PCDH15: variants seen among roughly 807,000 people sequenced by gnomAD.
PCDH15 encodes the protein protocadherin-15.
Under a neutral mutation model 178.5 loss-of-function variants are expected in PCDH15, and 129 were observed. The observed-to-expected ratio is 0.72, with a 90% CI of 0.63 to 0.84. The LOEUF (loss-of-function observed/expected upper bound fraction) is 0.84. Ranked by LOEUF, PCDH15 falls within the 40% of genes least tolerant of loss-of-function variation. The pLI, the probability that PCDH15 is intolerant of heterozygous loss-of-function variation, is 0.00. For missense variants in PCDH15, 2,230 were observed against 2,099.9 expected, an observed-to-expected ratio of 1.06 and a Z score of -1.21; for synonymous variants, 800 against 732.0, an observed-to-expected ratio of 1.09 and a Z score of -1.50.
At chr10:54,900,794 T>C (rs1479236961) in intron 2 of PCDH15, among the ~76,000 whole-genome samples, 1 of 152,166 alleles carries the variant, frequency 6.6e-6, no homozygotes, top group Non-Finnish European at 1.5e-5. Flanking sequence ...AGTTTCAATG[T>C]AGTAAACTTG....
chr10:54,816,040 T>C (rs1412127140), intron 3 of PCDH15, among the ~76,000 whole-genome samples: 1 of 152,108 alleles, frequency 6.6e-6, no homozygotes, highest in African/African-American at 2.4e-5. Flanking sequence ...TGCAGATTTT[T>C]GGTGGTGTAG....
intron 1 of PCDH15, among the ~76,000 whole-genome samples, chr10:54,769,117 A>G (rs1381556739): frequency 6.6e-6 from 1 of 152,140 alleles, no homozygotes; most frequent in Non-Finnish European, 1.5e-5. Flanking sequence ...GTGAGTTGTT[A>G]ACTTCTGTAT....
intron 2 of PCDH15, among the ~76,000 whole-genome samples, chr10:55,377,604 A>AT (rs1837430014): frequency 6.6e-6 from 1 of 152,068 alleles, no homozygotes; most frequent in African/African-American, 2.4e-5. Context: ...AAAATAAGTC[A>AT]TTTTTTATGA....
chr10:55,446,184 T>TACAC (rs762344251), intron 2 of PCDH15, among the ~76,000 whole-genome samples: 1 of 150,956 alleles, frequency 6.6e-6, no homozygotes, highest in Non-Finnish European at 1.5e-5. Context: ...CACATTGACA[T>TACAC]ACACACACTC....
At position 54,132,969 on chromosome 10, in the gene PCDH15, G is replaced by A; in HGVS notation, c.1823C>T (p.Pro608Leu). Residue 608 changes from proline to leucine, a missense_variant, in exon 15 of 38, where the codon CCA becomes CTA. Physicochemically the swap from Pro to Leu is moderately conservative, Grantham distance 98. Coordinates refer to ENST00000644397, the MANE Select transcript of PCDH15 (RefSeq NM_001384140.1). ...ICTVYIEVLP[P>L]NNQSPPRFPQ... is the part of the protein sequence containing the mutation. ...GAAGCGAGGAGGGCTTTGATTATTTGGTGGAAGCACTTCAATATACACAGT... is the reference window on the plus strand; with the variant it reads ...GAAGCGAGGAGGGCTTTGATTATTTAGTGGAAGCACTTCAATATACACAGT... The A allele has an allele frequency of 6.2e-7, 1 of 1,614,054 alleles. No homozygotes were observed.
intron 2 of PCDH15, among the ~76,000 whole-genome samples, chr10:54,608,211 T>C (rs2134198370): frequency 6.6e-6 from 1 of 151,624 alleles, no homozygotes; most frequent in Non-Finnish European, 1.5e-5. Context: ...CTCACAACTG[T>C]AATCCCAGCA....
chr10:53,935,834 A>G (rs781409923), intron 25 of PCDH15, among the ~76,000 whole-genome samples: 4 of 152,074 alleles, frequency 2.6e-5, no homozygotes, highest in Admixed American at 2.0e-4. Flanking sequence ...TTTTCTTTAT[A>G]AAAATATTTT....
intron 25 of PCDH15, among the ~76,000 whole-genome samples, chr10:53,924,082 C>T (rs531341855): frequency 7.9e-4 from 121 of 152,250 alleles, no homozygotes; most frequent in African/African-American, 2.5e-3. Flanking sequence ...ACTCTGGCCG[C>T]GCTTGAGGAG....
rs752127685 is a variant in PCDH15 at position 54,302,686 on chromosome 10, G to A, written c.876+14585C>T. On this transcript the variant is annotated intron_variant, in intron 8 of 37. Coordinates refer to ENST00000644397, the MANE Select transcript of PCDH15 (RefSeq NM_001384140.1). ...GTTTGTGGTATTTTTTATGGCAGTC[G>A]ATCAGACTAAAACAAATGTTTACTC... Among the ~76,000 whole-genome samples the A allele has an allele frequency of 2.6e-5, 4 of 152,128 alleles. No homozygotes were observed. The South Asian group carries it at 8.3e-4, about 32-fold the overall frequency.
chr10:54,028,774 T>C (rs2093199990), intron 18 of PCDH15, among the ~76,000 whole-genome samples: 1 of 91,892 alleles, frequency 1.1e-5, no homozygotes, highest in Non-Finnish European at 2.2e-5. Context: ...AATATCACAC[T>C]CTGGGGACTG....
intron 20 of PCDH15, 93 bp downstream of exon 20, chr10:54,020,099 G>C: frequency 9.1e-7 from 1 of 1,094,324 alleles, no homozygotes; most frequent in Non-Finnish European, 1.4e-6. Context: ...ATTAGGAATT[G>C]TTATCAAAAC....
Position 55,311,021 on chromosome 10 carries a change from A to T in PCDH15, c.-156+8578T>A, listed in dbSNP as rs137925986. 5.1e-3 allele frequency among the ~76,000 whole-genome samples: 770 copies of T among 152,282 alleles called. 11 individuals are homozygous for T. Among genetic ancestry groups the T allele is most frequent in the African/African-American group, 0.017 (711 of 41,566 alleles). ...ACAAAACTTAAAGTATAATAATTTT[A>T]AAAAAATGATAGTGGTTTGTGATCT... On this transcript the variant is annotated intron_variant, in intron 1 of 5. Transcript: ENST00000458638.
chr10:53,874,870 G>A (rs181907706), intron 26 of PCDH15, among the ~76,000 whole-genome samples: 6 of 151,734 alleles, frequency 4.0e-5, no homozygotes, highest in African/African-American at 1.4e-4. Flanking sequence ...AATGAGACTC[G>A]TTGAAAAGAA....
At chr10:54,738,115 T>C (rs987980074) in intron 1 of PCDH15, among the ~76,000 whole-genome samples, 1 of 152,088 alleles carries the variant, frequency 6.6e-6, no homozygotes, top group East Asian at 1.9e-4. Context: ...GAGACTGTTA[T>C]GAGGATGATG....
At chr10:55,531,007 G>T (rs1312360544) in intron 2 of PCDH15, among the ~76,000 whole-genome samples, 1 of 73,104 alleles carries the variant, frequency 1.4e-5, no homozygotes, top group Non-Finnish European at 2.5e-5. Context: ...AATTAGGGTT[G>T]CTTTTGTTTG....
intron 2 of PCDH15, among the ~76,000 whole-genome samples, chr10:54,548,383 T>A (rs2133122645): frequency 6.7e-6 from 1 of 148,272 alleles, no homozygotes; most frequent in African/African-American, 2.4e-5. Context: ...AATTATTTAT[T>A]AAGTGTTGAA....
At chr10:54,495,693 T>C (rs1417450217) in intron 3 of PCDH15, among the ~76,000 whole-genome samples, 1 of 152,146 alleles carries the variant, frequency 6.6e-6, no homozygotes, top group Non-Finnish European at 1.5e-5. Context: ...TTCTCTCTTA[T>C]TAACCACCTC....
In PCDH15 at chr10:54,195,875, AT is replaced by A; in HGVS notation, c.1112del (p.Asn371MetfsTer50). On this transcript the variant is annotated frameshift_variant, in exon 11 of 38. Coordinates refer to ENST00000644397, the MANE Select transcript of PCDH15 (RefSeq NM_001384140.1). LOFTEE classifies it high-confidence loss of function. The part of the protein sequence containing the change: ...FDLVIKAEQD[N>X]GHPLPAFAGL... Reference sequence around the variant, plus strand: ...CGGCAAAGGCAGGAAGAGGATGACCATTGTCTTGTTCAGCCTAAAATTGAAA... The same window carrying A: ...CGGCAAAGGCAGGAAGAGGATGACCATGTCTTGTTCAGCCTAAAATTGAAA... 6.2e-7 allele frequency: 1 copy of A among 1,613,666 alleles called. No individual in the cohort carries two copies. Among genetic ancestry groups the A allele is most frequent in the East Asian group, 2.2e-5 (1 of 44,858 alleles).
At chr10:54,387,641 C>A (rs1203656141) in intron 3 of PCDH15, among the ~76,000 whole-genome samples, 1 of 152,210 alleles carries the variant, frequency 6.6e-6, no homozygotes, top group Non-Finnish European at 1.5e-5. Flanking sequence ...CACATCCAGA[C>A]AATGAGATGC....
Sources: allele counts gnomAD v4.1 joint callset (sites outside exome capture counted in the v4.1 genomes callset), GRCh38; gene constraint gnomAD v4.1.1; transcripts MANE v1.5; gene names NCBI Gene and HGNC (gene_info 2026-07-23, HGNC 2026-07-21).